ADAT1: variants seen among roughly 807,000 people sequenced by gnomAD.
ADAT1 encodes the protein tRNA-specific adenosine deaminase 1.
Under a neutral mutation model 58.6 loss-of-function variants are expected in ADAT1, and 58 were observed. The observed-to-expected ratio is 0.99, with a 90% CI of 0.80 to 1.23. ADAT1 has a LOEUF of 1.23. Among genes scored for constraint, ADAT1 ranks in the 50% most tolerant of loss-of-function variants. The pLI is 0.00. For missense variants in ADAT1, 741 were observed against 608.6 expected, an observed-to-expected ratio of 1.22 and a Z score of -2.29; for synonymous variants, 254 against 220.8, an observed-to-expected ratio of 1.15 and a Z score of -1.33.
chr16:75,611,990 G>T (rs1337844649), intron 6 of ADAT1, among the ~76,000 whole-genome samples: 1 of 152,040 alleles, frequency 6.6e-6, no homozygotes, highest in Admixed American at 6.5e-5. Flanking sequence ...CCCAGGAGGC[G>T]GTGGCTGCAG....
intron 5 of ADAT1, among the ~76,000 whole-genome samples, chr16:75,615,455 C>G (rs532264258): frequency 1.5e-5 from 1 of 65,396 alleles, no homozygotes. Flanking sequence ...ACAAAATACA[C>G]GAACGCAAAC....
intron 8 of ADAT1, among the ~76,000 whole-genome samples, chr16:75,606,540 T>A (rs1001576504): frequency 1.7e-4 from 26 of 152,182 alleles, no homozygotes; most frequent in African/African-American, 6.3e-4. Flanking sequence ...TGTGGAGAGG[T>A]CCTTGTTATA....
chr16:75,603,142 C>A lies in ADAT1; in HGVS notation c.1319G>T (p.Arg440Ile). ...TCTGCTTAGCAGCTTCTGGAATGAT[C>A]TGAAGAGTTCCACTTTGCTGATTTG... Reference protein sequence around the residue: ...RSQISKVELFRSFQKLLSRIA... With the variant: ...RSQISKVELFISFQKLLSRIA... Residue 440 changes from arginine (R) to isoleucine (I), a missense_variant, in exon 9 of 10, where the codon AGA (arginine) becomes ATA (isoleucine). Coordinates refer to ENST00000564657, the MANE Select transcript of ADAT1 (RefSeq NM_001324445.2). The A allele has an allele frequency of 1.2e-6, 2 of 1,614,072 alleles. No homozygotes were observed. Among genetic ancestry groups the A allele is most frequent in the Non-Finnish European group, 1.7e-6 (2 of 1,179,952 alleles).
rs149838327 is a variant in ADAT1 at position 75,612,783 on chromosome 16, T to C, written c.503A>G (p.Asn168Ser). 4.2e-5 allele frequency: 68 copies of C among 1,613,950 alleles called. No homozygotes were observed. The highest frequency in any genetic ancestry group is 5.3e-5 in the Non-Finnish European group (62 of 1,180,024). Residue 168 changes from asparagine (N) to serine (S), a missense_variant, in exon 6 of 10, where the codon AAC becomes AGC. Asn to Ser is a conservative substitution (Grantham distance 46). Coordinates refer to ENST00000564657, the MANE Select transcript of ADAT1 (RefSeq NM_001324445.2). Reference sequence around the variant, plus strand: ...GTTACTACTGGCTTCTACTGATGAGTTGTGGGCCCAATTTCTGAAGACAGG... The same window carrying C: ...GTTACTACTGGCTTCTACTGATGAGCTGTGGGCCCAATTTCTGAAGACAGG... ...CCPVFRNWAH[N>S]SSVEASSNLE...
In ADAT1 at chr16:75,600,159, C is replaced by A. The variant is rs533140643; in HGVS notation, c.*57G>T. ...ACCAAAAAAGCTAAGACTTGTCCTG[C>A]GTGGAGGAAGGCAGTTCAGGATGAA... On this transcript the variant is annotated 3_prime_UTR_variant, in exon 10 of 10. Coordinates refer to ENST00000564657, the MANE Select transcript of ADAT1 (RefSeq NM_001324445.2). 6.2e-7 allele frequency: 1 copy of A among 1,603,940 alleles called. No homozygotes were observed. Among genetic ancestry groups the A allele is most frequent in the Admixed American group, 1.7e-5 (1 of 59,224 alleles).
Position 75,613,962 on chromosome 16 carries a change from T to C in ADAT1, c.425-1101A>G, listed in dbSNP as rs557852700. Among the ~76,000 whole-genome samples the C allele has an allele frequency of 7.9e-5, 12 of 152,010 alleles. No individual in the cohort carries two copies. The South Asian group carries it at 1.0e-3, about 13-fold the overall frequency. On this transcript the variant is annotated intron_variant, in intron 5 of 9. Coordinates refer to ENST00000564657, the MANE Select transcript of ADAT1 (RefSeq NM_001324445.2). ...ATCCCAGCACTTTGGGAGGCCGAGG[T>C]GGGCGGATCACGAGGTGAGGAGTTC...
Position 75,599,026 on chromosome 16 carries a change from G to A in ADAT1, c.*1190C>T, listed in dbSNP as rs1262614292. ...TGTTAAACATTCGATGTTAAAACAG[G>A]ATTGGCTGCTGGGTCTATTGCTGAT... On this transcript the variant is annotated 3_prime_UTR_variant, in exon 10 of 10. Coordinates refer to ENST00000564657, the MANE Select transcript of ADAT1 (RefSeq NM_001324445.2). The A allele has an allele frequency of 1.0e-6, 1 of 984,280 alleles. No homozygotes were observed. Among genetic ancestry groups the A allele is most frequent in the Non-Finnish European group, 1.2e-6 (1 of 829,878 alleles). 61.0% of individuals were successfully genotyped at this position (984,280 alleles called of 1,614,324 possible). A position where few individuals can be genotyped will look rare whatever the true frequency, so the allele number is the denominator to read the frequency against.
At chr16:75,620,221 C>T (rs1378528160) in intron 3 of ADAT1, 45 bp downstream of exon 3, 3 of 1,593,286 alleles carry the variant, frequency 1.9e-6, no homozygotes, top group Non-Finnish European at 2.6e-6. Context: ...AACATGGACA[C>T]TGGTTTCAAG....
Position 75,598,520 on chromosome 16 carries a change from T to A in ADAT1, c.*1696A>T, listed in dbSNP as rs1026079003. ...AACTCTGTGGATATACTAAAAAAAT[T>A]TTTTTTTTTTTTTTTTGAGACAGGA... On this transcript the variant is annotated 3_prime_UTR_variant, in exon 10 of 10. Transcript: ENST00000564657. 1.0e-4 allele frequency among the ~76,000 whole-genome samples: 13 copies of A among 130,580 alleles called. No individual in the cohort carries two copies. The highest frequency in any genetic ancestry group is 3.6e-4 in the African/African-American group (9 of 25,174). The allele number at this position is 130,580 out of a possible 152,430, so 85.7% of individuals were successfully genotyped here. A position where few individuals can be genotyped will look rare whatever the true frequency, so the allele number is the denominator to read the frequency against.
chr16:75,616,618 G>A (rs896983460), intron 5 of ADAT1, among the ~76,000 whole-genome samples: 7 of 152,132 alleles, frequency 4.6e-5, no homozygotes, highest in Non-Finnish European at 8.8e-5. Context: ...TGCAACCATA[G>A]CACCTGAACA....
rs754002554 is a variant in ADAT1, at chr16:75,597,243, C to G, written c.*2973G>C. 9.0e-6 allele frequency: 3 copies of G among 331,638 alleles called. No individual in the cohort carries two copies. The highest frequency in any genetic ancestry group is 1.8e-5 in the Non-Finnish European group (3 of 166,334). 20.5% of individuals were successfully genotyped at this position (331,638 alleles called of 1,614,324 possible). The stretch of plus-strand genomic sequence containing the variant: ...TTAGGGCAGGCCCTAAATCCAATTA[C>G]TGGGGTCCTTATAAGTAGGCCATGG... On this transcript the variant is annotated 3_prime_UTR_variant, in exon 10 of 10. Transcript: ENST00000564657.
chr16:75,612,356 T>C lies in ADAT1; in HGVS notation c.930A>G (p.Gly310=), dbSNP rs1358814559. ...SDKMARWNVL[G]CQGALLMHLL... Reference sequence around the variant, plus strand: ...AGTGCATCAACAGTGCCCCTTGGCATCCGAGGACGTTCCATCGGGCCATCT... The same window carrying C: ...AGTGCATCAACAGTGCCCCTTGGCACCCGAGGACGTTCCATCGGGCCATCT... Residue 310 remains glycine (G), a synonymous_variant, in exon 6 of 10, where the codon GGA becomes GGG. Transcript: ENST00000564657. 1 of 1,614,084 alleles carries C rather than the reference T, an allele frequency of 6.2e-7. No homozygotes were observed. Among genetic ancestry groups the C allele is most frequent in the Non-Finnish European group, 8.5e-7 (1 of 1,180,044 alleles).
At chr16:75,607,912 G>C (rs2081415344) in intron 8 of ADAT1, among the ~76,000 whole-genome samples, 2 of 152,216 alleles carry the variant, frequency 1.3e-5, no homozygotes, top group South Asian at 4.1e-4. Context: ...GTCATGAATA[G>C]TAATGAAGTA....
chr16:75,618,036 T>C (rs2081792372), intron 4 of ADAT1, among the ~76,000 whole-genome samples: 1 of 135,632 alleles, frequency 7.4e-6, no homozygotes, highest in Non-Finnish European at 1.5e-5. Flanking sequence ...AGGCCAAGGC[T>C]GCAATGAGCT....
chr16:75,620,168 C>G, intron 3 of ADAT1, 98 bp downstream of exon 3: 1 of 1,151,916 alleles, frequency 8.7e-7, no homozygotes, highest in Non-Finnish European at 1.3e-6. Flanking sequence ...AAATGCCATG[C>G]ACCTCAACTG....
chr16:75,600,252 C>T lies in ADAT1; in HGVS notation c.1473G>A (p.Trp491Ter), dbSNP rs367677899. Residue 491 changes from tryptophan to a stop codon, truncating the protein, a stop_gained, in exon 10 of 10, where the codon TGG becomes TGA. Transcript: ENST00000564657. LOFTEE classifies it high-confidence loss of function. The part of the protein sequence containing the change: ...STLRKQVFGS[W>*]IRNPPDYHQF... ...GGTGATAATCCGGTGGGTTTCTGAT[C>T]CAGGATCCAAACACCTGCTTCCGGA... The T allele has an allele frequency of 6.2e-7, 1 of 1,614,180 alleles. No individual in the cohort carries two copies. The highest frequency in any genetic ancestry group is 8.5e-7 in the Non-Finnish European group (1 of 1,180,028).
intron 8 of ADAT1, among the ~76,000 whole-genome samples, chr16:75,607,272 G>A (rs371153648): frequency 6.6e-6 from 1 of 152,116 alleles, no homozygotes; most frequent in East Asian, 1.9e-4. Flanking sequence ...GGGAGGTTGA[G>A]GCGGGTGGAT....
In ADAT1 at chr16:75,620,431, G is replaced by A. The variant is rs2081895094; in HGVS notation, c.170-97C>T. 10 of 1,474,946 alleles carry A rather than the reference G, an allele frequency of 6.8e-6. No individual in the cohort carries two copies. The South Asian group carries it at 1.1e-4, about 17-fold the overall frequency. 91.4% of individuals were successfully genotyped at this position (1,474,946 alleles called of 1,614,324 possible). On this transcript the variant is annotated intron_variant, in intron 2 of 9. Coordinates refer to ENST00000564657, the MANE Select transcript of ADAT1 (RefSeq NM_001324445.2). ...TGCACACTCCTCTAGGGGATTCCCAGAGGCCCACTCAACCAAGGTCTGCGG... is the reference window on the plus strand; with the variant it reads ...TGCACACTCCTCTAGGGGATTCCCAAAGGCCCACTCAACCAAGGTCTGCGG...
chr16:75,611,006 C>G (rs931426604), intron 6 of ADAT1, among the ~76,000 whole-genome samples: 9 of 152,058 alleles, frequency 5.9e-5, no homozygotes, highest in African/African-American at 1.7e-4. Flanking sequence ...CTTAGCTATT[C>G]AGGAGGCTGA....
Sources: allele counts gnomAD v4.1 joint callset (sites outside exome capture counted in the v4.1 genomes callset), GRCh38; gene constraint gnomAD v4.1.1; transcripts MANE v1.5; gene names NCBI Gene and HGNC (gene_info 2026-07-23, HGNC 2026-07-21).